The following CBLN2 variants were observed in gnomAD, a reference collection of about 807,000 sequenced individuals.
CBLN2 encodes the protein cerebellin-2.
Under a neutral mutation model 15.0 loss-of-function variants are expected in CBLN2, and 7 were observed. That is an observed-to-expected ratio of 0.47 (90% CI 0.27 to 0.88). CBLN2 has a LOEUF of 0.88. CBLN2 is among the 40% of genes least tolerant of loss of function. The pLI, the probability that CBLN2 is intolerant of heterozygous loss-of-function variation, is 0.14. For missense variants in CBLN2, 242 were observed against 304.5 expected (o/e 0.79, Z 1.53); for synonymous variants, 149 against 135.2 (o/e 1.10, Z -0.71).
chr18:72,619,046 G>C (rs1335256387), intron 1 of CBLN2: 6 of 759,510 alleles, frequency 7.9e-6, no homozygotes, highest in Non-Finnish European at 1.4e-5. Flanking sequence ...GGAAGCTACA[G>C]TGATTTTGGC....
chr18:72,609,116 T>A (rs2069603935), intron 1 of CBLN2, among the ~76,000 whole-genome samples: 1 of 152,072 alleles, frequency 6.6e-6, no homozygotes, highest in African/African-American at 2.4e-5. Flanking sequence ...GGAGAGAAGG[T>A]GTCTGTATCT....
intron 1 of CBLN2, among the ~76,000 whole-genome samples, chr18:72,596,057 C>A (rs76029149): frequency 2.6e-5 from 4 of 151,786 alleles, no homozygotes; most frequent in Non-Finnish European, 5.9e-5. Context: ...AAGGGCTTAC[C>A]CCTGCCATTT....
chr18:72,625,812 C>CTA (rs1356605655), intron 1 of CBLN2, among the ~76,000 whole-genome samples: 4,399 of 68,346 alleles, frequency 0.064, 123 homozygotes, highest in Non-Finnish European at 0.095. Flanking sequence ...CTCTCTCTCT[C>CTA]TCTCTCTATA....
chr18:72,603,954 C>T (rs11659630), intron 1 of CBLN2, among the ~76,000 whole-genome samples: 80,616 of 152,054 alleles, frequency 0.53, 25,754 homozygotes, highest in Non-Finnish European at 0.73. Flanking sequence ...GCACAGTCTA[C>T]GCTAGGAGCT....
At chr18:72,597,954 GC>G (rs1050716541) in intron 1 of CBLN2, among the ~76,000 whole-genome samples, 1 of 152,038 alleles carries the variant, frequency 6.6e-6, no homozygotes, top group Non-Finnish European at 1.5e-5. Context: ...TTCCCCTTTG[GC>G]CCAGGGCAAA....
chr18:72,624,522 C>T (rs940254189), intron 1 of CBLN2, among the ~76,000 whole-genome samples: 18 of 152,132 alleles, frequency 1.2e-4, no homozygotes, highest in African/African-American at 4.1e-4. Context: ...TGCCCATAAT[C>T]CCAGCTACTC....
At chr18:72,562,893 T>C (rs2069270715) in intron 1 of CBLN2, among the ~76,000 whole-genome samples, 1 of 152,318 alleles carries the variant, frequency 6.6e-6, no homozygotes, top group South Asian at 2.1e-4. Flanking sequence ...CAGTTGCTAG[T>C]TTTAAACTAC....
intron 1 of CBLN2, among the ~76,000 whole-genome samples, chr18:72,585,936 C>T (rs1249974675): frequency 6.6e-6 from 1 of 152,246 alleles, no homozygotes; most frequent in Non-Finnish European, 1.5e-5. Context: ...CCCAACTTTA[C>T]TCCAAAATCA....
intron 1 of CBLN2, among the ~76,000 whole-genome samples, chr18:72,594,333 C>G (rs2069499431): frequency 6.6e-6 from 1 of 152,032 alleles, no homozygotes; most frequent in Non-Finnish European, 1.5e-5. Context: ...AGGATAAATC[C>G]TATTTTGTCA....
At chr18:72,612,919 T>TC (rs2069632064) in intron 1 of CBLN2, among the ~76,000 whole-genome samples, 1 of 152,154 alleles carries the variant, frequency 6.6e-6, no homozygotes, top group South Asian at 2.1e-4. Flanking sequence ...AGGCCAGAAG[T>TC]CCAAGATCAA....
chr18:72,568,613 C>A (rs1282639352), intron 1 of CBLN2, among the ~76,000 whole-genome samples: 3 of 150,996 alleles, frequency 2.0e-5, no homozygotes, highest in Admixed American at 2.0e-4. Context: ...ATATTAAAAA[C>A]AAATGTAATA....
chr18:72,546,631 T>G (rs944604670), upstream of CBLN2, among the ~76,000 whole-genome samples: 1 of 152,170 alleles, frequency 6.6e-6, no homozygotes, highest in Non-Finnish European at 1.5e-5. Flanking sequence ...TAGTGGACAT[T>G]CCCACAGACA....
chr18:72,611,920 G>A lies in CBLN2; in HGVS notation c.15+26405C>T, dbSNP rs1244749853. Among the ~76,000 whole-genome samples the A allele has an allele frequency of 9.9e-5, 15 of 152,130 alleles. 1 individual carries two copies. The highest frequency in any genetic ancestry group is 9.8e-4 in the Admixed American group (15 of 15,264). ...CCACCTTGAGTTAACTTTGGGATAT[G>A]GTGAGAGATAAAGATCCAGTTTCAT... On this transcript the variant is annotated intron_variant, in intron 1 of 2. Coordinates refer to the CBLN2 transcript ENST00000581073.
intron 1 of CBLN2, among the ~76,000 whole-genome samples, chr18:72,582,405 C>T (rs183489161): frequency 5.4e-4 from 82 of 152,294 alleles, no homozygotes; most frequent in African/African-American, 1.8e-3. Flanking sequence ...TTCTATCACT[C>T]AAGCTGCCCC....
intron 1 of CBLN2, among the ~76,000 whole-genome samples, chr18:72,556,572 T>C (rs994969478): frequency 6.6e-6 from 1 of 152,222 alleles, no homozygotes; most frequent in Non-Finnish European, 1.5e-5. Flanking sequence ...AGGTGGTAAT[T>C]GCTCAGCATA....
chr18:72,590,314 G>T (rs1282959296), intron 1 of CBLN2, among the ~76,000 whole-genome samples: 3 of 152,016 alleles, frequency 2.0e-5, no homozygotes, highest in Non-Finnish European at 4.4e-5. Context: ...AGGCATGGTG[G>T]CAGGCACTTT....
In CBLN2 at chr18:72,618,350, G is replaced by A. The variant is rs142704359; in HGVS notation, c.15+19975C>T. 1,450 of 480,742 alleles carry A rather than the reference G, an allele frequency of 3.0e-3. 12 individuals are homozygous for A. Among genetic ancestry groups the A allele is most frequent in the Middle Eastern group, 4.5e-3 (7 of 1,556 alleles). 29.8% of individuals were successfully genotyped at this position (480,742 alleles called of 1,614,324 possible). ...GGTTGAGCTCTGAAACAACCAATGA[G>A]AGCCTGAAGAGCCACTGTGAGCAAT... On this transcript the variant is annotated intron_variant, in intron 1 of 2. Transcript: ENST00000581073.
chr18:72,545,421 C>T (rs1032002104), upstream of CBLN2, among the ~76,000 whole-genome samples: 1 of 152,222 alleles, frequency 6.6e-6, no homozygotes, highest in Middle Eastern at 3.2e-3. Context: ...TCCTCCTAAG[C>T]TATACTCACT....
chr18:72,582,632 T>C (rs1258855963), intron 1 of CBLN2, among the ~76,000 whole-genome samples: 1 of 152,128 alleles, frequency 6.6e-6, no homozygotes, highest in South Asian at 2.1e-4. Flanking sequence ...GTAAAACAGG[T>C]GCTCACACAT....
Sources: allele counts gnomAD v4.1 joint callset (sites outside exome capture counted in the v4.1 genomes callset), GRCh38; gene constraint gnomAD v4.1.1; transcripts MANE v1.5; gene names NCBI Gene and HGNC (gene_info 2026-07-23, HGNC 2026-07-21).